Variants in MBNL2 observed in about 807,000 individuals in gnomAD.
MBNL2 encodes muscleblind-like protein 2.
MBNL2 carries 17 observed loss-of-function variants against 41.9 expected under a neutral mutation model. The observed-to-expected ratio is 0.41, with a 90% CI of 0.28 to 0.61. The LOEUF (loss-of-function observed/expected upper bound fraction) is 0.61. MBNL2 is among the 20% of genes least tolerant of loss of function. The pLI is 0.35. For synonymous variants in MBNL2, 195 were observed against 182.9 expected (o/e 1.07, Z -0.53); for missense variants, 336 against 505.6 (o/e 0.66, Z 3.22).
Position 97,240,405 on chromosome 13 carries a change from C to T in MBNL2, c.-605+17874C>T, listed in dbSNP as rs151004614. Among the ~76,000 whole-genome samples, 1,217 of 152,200 alleles carry T rather than the reference C, an allele frequency of 8.0e-3. 17 individuals carry two copies. Among genetic ancestry groups the T allele is most frequent in the African/African-American group, 0.027 (1,131 of 41,500 alleles). On this transcript the variant is annotated intron_variant, in intron 1 of 8. Coordinates refer to ENST00000679496, the MANE Select transcript of MBNL2 (RefSeq NM_001382683.1). ...GATGCTTGGGATTAAATGAGATCAC[C>T]TCATGTAACTTAATTACATGAGAAA...
upstream of MBNL2, among the ~76,000 whole-genome samples, chr13:97,216,862 G>A (rs902756379): frequency 6.6e-6 from 1 of 151,378 alleles, no homozygotes; most frequent in East Asian, 1.9e-4. Flanking sequence ...GTGTGTGCAT[G>A]CATGGATATA....
chr13:97,210,183 G>A, the MBNL2 span, among the ~76,000 whole-genome samples: 1 of 152,234 alleles, frequency 6.6e-6, no homozygotes, highest in East Asian at 1.9e-4. Context: ...TTCTAAGTGT[G>A]GTCCAAAGTA....
At chr13:97,232,623 G>A (rs1047979726) in intron 1 of MBNL2, among the ~76,000 whole-genome samples, 4 of 152,102 alleles carry the variant, frequency 2.6e-5, no homozygotes, top group Non-Finnish European at 5.9e-5. Flanking sequence ...GCAGCAAAAA[G>A]GGTTTGCTTT....
intron 2 of MBNL2, among the ~76,000 whole-genome samples, chr13:97,299,837 T>C (rs577579976): frequency 2.0e-5 from 3 of 152,316 alleles, no homozygotes; most frequent in Admixed American, 2.0e-4. Context: ...TAGGTACATA[T>C]GTAATGTGTT....
intron 7 of MBNL2, among the ~76,000 whole-genome samples, chr13:97,358,868 T>C (rs2063187190): frequency 6.6e-6 from 1 of 152,242 alleles, no homozygotes; most frequent in East Asian, 1.9e-4. Flanking sequence ...AGAGTTAACA[T>C]CAGAGGGAGG....
intron 8 of MBNL2, among the ~76,000 whole-genome samples, chr13:97,375,719 A>G (rs975671194): frequency 1.3e-5 from 2 of 152,208 alleles, no homozygotes; most frequent in African/African-American, 4.8e-5. Flanking sequence ...CTGACTTTGA[A>G]GTCAATGCTT....
chr13:97,200,592 A>G, the MBNL2 span, among the ~76,000 whole-genome samples: 2 of 152,250 alleles, frequency 1.3e-5, no homozygotes, highest in African/African-American at 4.8e-5. Context: ...TACATTTTTC[A>G]TGATTTGACA....
chr13:97,354,288 G>A (rs2062789378), intron 5 of MBNL2, among the ~76,000 whole-genome samples: 1 of 152,138 alleles, frequency 6.6e-6, no homozygotes, highest in Non-Finnish European at 1.5e-5. Context: ...TTCAATGTAG[G>A]TAAACATATG....
At chr13:97,335,154 T>A (rs560888921) in intron 3 of MBNL2, among the ~76,000 whole-genome samples, 77 of 152,338 alleles carry the variant, frequency 5.1e-4, no homozygotes, top group Admixed American at 7.8e-4. Context: ...TTTCCCTGAT[T>A]TCACCCTGTC....
At chr13:97,163,730 A>G in the MBNL2 span, among the ~76,000 whole-genome samples, 1 of 152,138 alleles carries the variant, frequency 6.6e-6, no homozygotes, top group Non-Finnish European at 1.5e-5. Context: ...ACACCTGCAC[A>G]CACTCTCAGC....
rs137914225 is a variant in MBNL2 at position 97,350,608 on chromosome 13, C to A, written c.804+3541C>A. On this transcript the variant is annotated intron_variant, in intron 5 of 8. Coordinates refer to ENST00000679496, the MANE Select transcript of MBNL2 (RefSeq NM_001382683.1). ...GCTAAATCCTTTGGTATCATTTCAA[C>A]AATGTTCAGAGCATCTTAGCCAAGA... Among the ~76,000 whole-genome samples, 583 of 152,334 alleles carry A rather than the reference C, an allele frequency of 3.8e-3. 7 individuals carry two copies. The highest frequency in any genetic ancestry group is 0.013 in the African/African-American group (556 of 41,574).
chr13:97,245,450 C>A (rs1007591018), intron 1 of MBNL2, among the ~76,000 whole-genome samples: 2 of 150,798 alleles, frequency 1.3e-5, no homozygotes, highest in South Asian at 4.1e-4. Flanking sequence ...CAAAAGTCAT[C>A]CCCCGTCTTC....
the MBNL2 span, among the ~76,000 whole-genome samples, chr13:97,187,615 AAAAAAAAAGAG>A: frequency 2.8e-5 from 4 of 144,966 alleles, no homozygotes; most frequent in Non-Finnish European, 6.1e-5. Context: ...AAAAAAAAAA[AAAAAAAAAGAG>A]GCCGGGCGCG....
chr13:97,331,000 A>T (rs1373892518), intron 2 of MBNL2, among the ~76,000 whole-genome samples: 1 of 152,226 alleles, frequency 6.6e-6, no homozygotes, highest in African/African-American at 2.4e-5. Context: ...AGAGTTGAAA[A>T]TAATTTTAAA....
At chr13:97,257,295 T>A (rs149366361) in intron 1 of MBNL2, among the ~76,000 whole-genome samples, 95 of 152,246 alleles carry the variant, frequency 6.2e-4, no homozygotes, top group Middle Eastern at 3.4e-3. Context: ...ACGTAGGAAC[T>A]CAGATGATAA....
At chr13:97,148,612 C>T in the MBNL2 span, among the ~76,000 whole-genome samples, 6 of 151,974 alleles carry the variant, frequency 3.9e-5, no homozygotes, top group Admixed American at 1.3e-4. Context: ...TGCTGTGAAA[C>T]GAAAACTACT....
the MBNL2 span, among the ~76,000 whole-genome samples, chr13:97,165,033 A>G: frequency 1.4e-4 from 21 of 152,124 alleles, no homozygotes; most frequent in Non-Finnish European, 2.6e-4. Flanking sequence ...GCAAAAACCG[A>G]TCTCTACTGA....
chr13:97,287,543 T>C (rs896086670), intron 2 of MBNL2, among the ~76,000 whole-genome samples: 10 of 152,126 alleles, frequency 6.6e-5, no homozygotes, highest in Non-Finnish European at 1.2e-4. Context: ...TTTGAAACTA[T>C]AATTTATATA....
intron 1 of MBNL2, among the ~76,000 whole-genome samples, chr13:97,248,210 C>A (rs1386855150): frequency 6.6e-6 from 1 of 152,218 alleles, no homozygotes; most frequent in African/African-American, 2.4e-5. Context: ...TCGCCTCCAC[C>A]TCCTGGGTTC....
Sources: gnomAD v4.1 joint callset for allele counts (sites outside exome capture counted in the v4.1 genomes callset) on GRCh38, gnomAD v4.1.1 for gene constraint, MANE v1.5 for transcripts, NCBI Gene and HGNC (gene_info 2026-07-23, HGNC 2026-07-21) for gene names.